TGDS: variants seen among roughly 807,000 people sequenced by gnomAD.
TGDS encodes UDP-D-glucose 4,6-dehydratase.
Under a neutral mutation model 52.3 loss-of-function variants are expected in TGDS, and 47 were observed. That is an observed-to-expected ratio of 0.90 (90% CI 0.71 to 1.15). The LOEUF is 1.15. Ranked by LOEUF, TGDS falls within the 50% of genes most tolerant of loss-of-function variation. TGDS has a pLI of 0.00. For synonymous variants in TGDS, 115 were observed against 136.9 expected, an observed-to-expected ratio of 0.84 and a Z score of 1.12; for missense variants, 375 against 418.4, an observed-to-expected ratio of 0.90 and a Z score of 0.90.
chr13:94,584,804 G>T (rs916364233), intron 4 of TGDS, among the ~76,000 whole-genome samples: 1 of 152,162 alleles, frequency 6.6e-6, no homozygotes, highest in Non-Finnish European at 1.5e-5. Flanking sequence ...GAAGCAACTA[G>T]AAGAGCCTCT....
intron 6 of TGDS, among the ~76,000 whole-genome samples, 196 bp from the exon 7 acceptor site, chr13:94,580,149 C>T (rs1053653327): frequency 1.3e-5 from 2 of 151,938 alleles, no homozygotes; most frequent in African/African-American, 2.4e-5. Context: ...GGCAGAGGTT[C>T]CAAAAGAAAG....
In TGDS at chr13:94,574,736, G is replaced by T. The variant is rs1295658628; in HGVS notation, c.*46C>A. 3.3e-6 allele frequency: 4 copies of T among 1,222,388 alleles called. No homozygotes were observed. The highest frequency in any genetic ancestry group is 4.8e-6 in the Non-Finnish European group (4 of 839,800). 75.7% of individuals were successfully genotyped at this position (1,222,388 alleles called of 1,614,324 possible). ...TAATTTCATACCACTTGGCGAGGTA[G>T]GATAACTTTCTTCTTTGACAACTGT... On this transcript the variant is annotated 3_prime_UTR_variant, in exon 12 of 12. Transcript: ENST00000261296.
At chr13:94,590,739 G>T in intron 4 of TGDS, 114 bp downstream of exon 4, 1 of 760,744 alleles carries the variant, frequency 1.3e-6, no homozygotes, top group Non-Finnish European at 2.1e-6. Context: ...CACAGTCACC[G>T]TGGGCTTGTT....
intron 3 of TGDS, among the ~76,000 whole-genome samples, chr13:94,591,390 T>C (rs1347355464): frequency 1.3e-5 from 2 of 152,186 alleles, no homozygotes; most frequent in Non-Finnish European, 2.9e-5. Flanking sequence ...CTCCAGAGTT[T>C]GTGACCAGCC....
At chr13:94,588,409 G>A (rs1317969324) in intron 4 of TGDS, among the ~76,000 whole-genome samples, 2 of 105,052 alleles carry the variant, frequency 1.9e-5, no homozygotes, top group Non-Finnish European at 1.7e-5. Context: ...GGCAATCAGC[G>A]AGACTCTGTC....
At chr13:94,589,876 T>G (rs904709918) in intron 4 of TGDS, among the ~76,000 whole-genome samples, 1 of 152,134 alleles carries the variant, frequency 6.6e-6, no homozygotes, top group African/African-American at 2.4e-5. Context: ...TGACATTATC[T>G]CAACGTGAAG....
chr13:94,580,099 C>T (rs997325056), intron 6 of TGDS, 146 bp from the exon 7 acceptor site: 6 of 525,550 alleles, frequency 1.1e-5, no homozygotes, highest in East Asian at 3.1e-5. Context: ...TTTTTTCTAA[C>T]GTAAGGTTTC....
chr13:94,595,236 A>G (rs1310410296), intron 1 of TGDS, among the ~76,000 whole-genome samples: 1 of 152,182 alleles, frequency 6.6e-6, no homozygotes, highest in Admixed American at 6.5e-5. Context: ...CCAAGAACTA[A>G]GAGGGGAAGC....
chr13:94,588,858 AC>A (rs1163612882), intron 4 of TGDS, among the ~76,000 whole-genome samples: 2 of 152,244 alleles, frequency 1.3e-5, no homozygotes, highest in African/African-American at 4.8e-5. Context: ...AGACAGAGAT[AC>A]AAAAATAAAC....
intron 5 of TGDS, 92 bp downstream of exon 5, chr13:94,583,002 A>G: frequency 7.4e-7 from 1 of 1,356,908 alleles, no homozygotes; most frequent in East Asian, 2.3e-5. Flanking sequence ...AAGTGTATAT[A>G]ATTTGAGGAT....
At chr13:94,585,175 G>A (rs56363391) in intron 4 of TGDS, among the ~76,000 whole-genome samples, 4 of 151,642 alleles carry the variant, frequency 2.6e-5, no homozygotes, top group Non-Finnish European at 5.9e-5. Context: ...TCAGCCTCCC[G>A]AGTAGCTGGG....
rs781433395 is a variant in TGDS at position 94,581,220 on chromosome 13, G to C, written c.457-31C>G. On this transcript the variant is annotated intron_variant, in intron 5 of 11. Coordinates refer to ENST00000261296, the MANE Select transcript of TGDS (RefSeq NM_014305.4). Reference sequence around the variant, plus strand: ...TTTAAAAATATATATTTAAAAAAGTGTTATGCATATTTTAAGTATAGAAAT... The same window carrying C: ...TTTAAAAATATATATTTAAAAAAGTCTTATGCATATTTTAAGTATAGAAAT... 2.2e-6 allele frequency: 3 copies of C among 1,371,702 alleles called. No individual in the cohort carries two copies. In the South Asian group the frequency reaches 4.1e-5, roughly 19 times the overall value. 85.0% of individuals were successfully genotyped at this position (1,371,702 alleles called of 1,614,324 possible). A position where few individuals can be genotyped will look rare whatever the true frequency, so the allele number is the denominator to read the frequency against.
In TGDS at chr13:94,576,350, G is replaced by T; in HGVS notation, c.946C>A (p.Pro316Thr). The change falls in exon 11 of 12, where the codon CCT becomes ACT. Residue 316 changes from proline to threonine, a missense_variant. By Grantham distance (38) the Pro-to-Thr change is conservative. Transcript: ENST00000261296. ...ATTCCTTCTTTCCAAGGCACTTTAG[G>T]TCTCCATCCTAAGCCATGTATTTTT... Reference protein sequence around the residue: ...SEKIHGLGWRPKVPWKEGIKK... With the variant: ...SEKIHGLGWRTKVPWKEGIKK... The T allele has an allele frequency of 1.0e-5, 16 of 1,604,564 alleles. No individual in the cohort carries two copies. Among genetic ancestry groups the T allele is most frequent in the Non-Finnish European group, 1.3e-5 (15 of 1,175,352 alleles).
At chr13:94,586,342 CA>C (rs1167083816) in intron 4 of TGDS, among the ~76,000 whole-genome samples, 7 of 151,956 alleles carry the variant, frequency 4.6e-5, no homozygotes, top group African/African-American at 1.7e-4. Flanking sequence ...AAATACTAAC[CA>C]AAAAGGAAGT....
At chr13:94,588,283 C>T (rs1212222771) in intron 4 of TGDS, among the ~76,000 whole-genome samples, 24 of 150,596 alleles carry the variant, frequency 1.6e-4, no homozygotes, top group African/African-American at 4.4e-4. Context: ...ATTAGCTGGG[C>T]GTGGTGGCGC....
chr13:94,574,575 C>T lies in TGDS; in HGVS notation c.*207G>A, dbSNP rs1226046774. On this transcript the variant is annotated 3_prime_UTR_variant, in exon 12 of 12. Transcript: ENST00000261296. ...TCCTAGTTTCTAGGAGAAAGGGTTT[C>T]AGAAAGAATTTTGACATTTAAATTC... 6 of 497,266 alleles carry T rather than the reference C, an allele frequency of 1.2e-5. No homozygotes were observed. Among genetic ancestry groups the T allele is most frequent in the African/African-American group, 6.0e-5 (3 of 50,036 alleles). 30.8% of individuals were successfully genotyped at this position (497,266 alleles called of 1,614,324 possible).
chr13:94,584,429 G>A (rs1888910478), intron 4 of TGDS, among the ~76,000 whole-genome samples: 1 of 152,194 alleles, frequency 6.6e-6, no homozygotes, highest in African/African-American at 2.4e-5. Context: ...AAGGTGTTCA[G>A]GGTATGGAAA....
intron 7 of TGDS, chr13:94,579,155 C>T (rs1888705698): frequency 6.4e-6 from 1 of 155,550 alleles, no homozygotes; most frequent in African/African-American, 2.4e-5. Context: ...AAGTAAATTC[C>T]AGTGCTCTTG....
intron 4 of TGDS, 105 bp downstream of exon 4, chr13:94,590,748 T>C (rs1889167202): frequency 6.7e-6 from 6 of 891,968 alleles, no homozygotes; most frequent in East Asian, 2.9e-5. Flanking sequence ...CGTGGGCTTG[T>C]TTTTCTAGTA....
Sources: gnomAD v4.1 joint callset for allele counts (sites outside exome capture counted in the v4.1 genomes callset) on GRCh38, gnomAD v4.1.1 for gene constraint, MANE v1.5 for transcripts, NCBI Gene and HGNC (gene_info 2026-07-23, HGNC 2026-07-21) for gene names.